NIM1K: variants seen among roughly 807,000 people sequenced by gnomAD.
The protein encoded by NIM1K is serine/threonine-protein kinase NIM1.
NIM1K carries 35 observed loss-of-function variants against 37.1 expected under a neutral mutation model. That is an observed-to-expected ratio of 0.94 (90% CI 0.72 to 1.25). The LOEUF is 1.25. Ranked by LOEUF, NIM1K falls within the 50% of genes most tolerant of loss-of-function variation. The pLI is 0.00. For missense variants in NIM1K, 564 were observed against 548.0 expected (o/e 1.03, Z -0.29); for synonymous variants, 234 against 206.6 (o/e 1.13, Z -1.14).
chr5:43,280,806 A>G lies in NIM1K; in HGVS notation c.*77A>G. Reference sequence around the variant, plus strand: ...TTTTTTTCAAGGACAACTTGAGTGGAGACATTTTTGTAATTTTTAAATAAA... The same window carrying G: ...TTTTTTTCAAGGACAACTTGAGTGGGGACATTTTTGTAATTTTTAAATAAA... On this transcript the variant is annotated 3_prime_UTR_variant, in exon 4 of 4. Coordinates refer to ENST00000326035, the MANE Select transcript of NIM1K (RefSeq NM_153361.4). The G allele has an allele frequency of 1.5e-6, 2 of 1,338,826 alleles. No individual in the cohort carries two copies. Among genetic ancestry groups the G allele is most frequent in the South Asian group, 3.6e-5 (2 of 55,548 alleles). 82.9% of individuals were successfully genotyped at this position (1,338,826 alleles called of 1,614,324 possible).
chr5:43,225,810 C>T (rs1408439714), intron 1 of NIM1K: 2 of 153,032 alleles, frequency 1.3e-5, no homozygotes, highest in African/African-American at 4.8e-5. Flanking sequence ...CCTTATTTGT[C>T]TTCAAAGTCA....
chr5:43,225,291 G>C (rs916403301), intron 1 of NIM1K, among the ~76,000 whole-genome samples: 2 of 69,624 alleles, frequency 2.9e-5, no homozygotes, highest in Non-Finnish European at 6.2e-5. Flanking sequence ...AAAAAAAAAA[G>C]ATAACTACAT....
At chr5:43,233,221 T>C (rs1402381365) in intron 1 of NIM1K, 3 of 893,426 alleles carry the variant, frequency 3.4e-6, no homozygotes, top group Non-Finnish European at 3.5e-6. Context: ...CAAGGAGAGA[T>C]TGTTGCTTCT....
At chr5:43,269,866 C>G (rs924824283) in intron 2 of NIM1K, among the ~76,000 whole-genome samples, 1 of 152,120 alleles carries the variant, frequency 6.6e-6, no homozygotes, top group Non-Finnish European at 1.5e-5. Flanking sequence ...GATCCACCCC[C>G]CTTGGCCTCC....
rs150221895 is a variant in NIM1K at position 43,232,217 on chromosome 5, T to G, written c.-694-12865T>G. ...GTCTTTGAGAACCATGTCACCACGG[T>G]AAAACAGGCAGCAAGCCATGTATTT... On this transcript the variant is annotated intron_variant, in intron 1 of 3. Transcript: ENST00000326035. 1.7e-3 allele frequency: 1,746 copies of G among 1,015,134 alleles called. 19 individuals are homozygous for G. In the African/African-American group the frequency reaches 0.025, roughly 15 times the overall value. The allele number at this position is 1,015,134 out of a possible 1,614,324, so 62.9% of individuals were successfully genotyped here.
At chr5:43,269,518 A>G (rs999171511) in intron 2 of NIM1K, among the ~76,000 whole-genome samples, 3 of 152,024 alleles carry the variant, frequency 2.0e-5, no homozygotes, top group East Asian at 3.8e-4. Context: ...TATGCCATTT[A>G]TGTTTAATAT....
rs182467078 is a variant in NIM1K at position 43,268,836 on chromosome 5, T to C, written c.293-8221T>C. Among the ~76,000 whole-genome samples, 440 of 152,318 alleles carry C rather than the reference T, an allele frequency of 2.9e-3. 1 individual carries two copies. The highest frequency in any genetic ancestry group is 4.5e-3 in the Non-Finnish European group (307 of 68,024). ...AGCTAGCCAAGACTAAGCCCAGGAA[T>C]AATTAAGGCAGCTTGAAGGCTAAAG... is the stretch of plus-strand genomic sequence containing the variant. On this transcript the variant is annotated intron_variant, in intron 2 of 3. Coordinates refer to ENST00000326035, the MANE Select transcript of NIM1K (RefSeq NM_153361.4).
chr5:43,213,996 T>TG (rs943627615), intron 1 of NIM1K, among the ~76,000 whole-genome samples: 1 of 149,848 alleles, frequency 6.7e-6, no homozygotes, highest in African/African-American at 2.4e-5. Flanking sequence ...TTTTTTTTTT[T>TG]GTCTTACCTT....
Position 43,208,567 on chromosome 5 carries a change from A to T in NIM1K, c.-695+16156A>T, listed in dbSNP as rs140750551. ...CAGTGAGCCGAGATCACGCCACTGCATTCCAGCCTGGGCGACAGGGCAGGA... is the reference window on the plus strand; with the variant it reads ...CAGTGAGCCGAGATCACGCCACTGCTTTCCAGCCTGGGCGACAGGGCAGGA... On this transcript the variant is annotated intron_variant, in intron 1 of 3. Transcript: ENST00000326035. Among the ~76,000 whole-genome samples the T allele has an allele frequency of 1.8e-3, 275 of 152,180 alleles. 1 individual carries two copies. The highest frequency in any genetic ancestry group is 6.5e-3 in the African/African-American group (271 of 41,528).
chr5:43,232,525 G>T, intron 1 of NIM1K: 3 of 1,572,170 alleles, frequency 1.9e-6, no homozygotes, highest in Non-Finnish European at 2.6e-6. Context: ...CAGTATCAAG[G>T]TTCTATGCCA....
At chr5:43,214,813 C>CAAAAAAAA (rs369233525) in intron 1 of NIM1K, among the ~76,000 whole-genome samples, 11 of 71,662 alleles carry the variant, frequency 1.5e-4, no homozygotes, top group East Asian at 5.2e-4. Context: ...GACTCCGTCT[C>CAAAAAAAA]AAAAAAAAAA....
chr5:43,246,385 G>T (rs1304114151), intron 2 of NIM1K, among the ~76,000 whole-genome samples: 1 of 152,148 alleles, frequency 6.6e-6, no homozygotes. Context: ...ACTCAAACAT[G>T]AGAAGAATCT....
At chr5:43,197,323 G>A (rs1038593393) in intron 1 of NIM1K, among the ~76,000 whole-genome samples, 1 of 149,434 alleles carries the variant, frequency 6.7e-6, no homozygotes, top group Non-Finnish European at 1.5e-5. Flanking sequence ...AGTTGTCGGT[G>A]GTAGGGGGGG....
At chr5:43,244,877 C>T (rs958494708) in intron 1 of NIM1K, among the ~76,000 whole-genome samples, 84 of 152,134 alleles carry the variant, frequency 5.5e-4, no homozygotes, top group African/African-American at 2.0e-3. Flanking sequence ...ACCTTAGGGG[C>T]TTTTCTAAAA....
At chr5:43,236,249 A>G (rs1335539698) in intron 1 of NIM1K, among the ~76,000 whole-genome samples, 1 of 152,042 alleles carries the variant, frequency 6.6e-6, no homozygotes, top group East Asian at 1.9e-4. Flanking sequence ...CTTGGGTGAG[A>G]GTGAGATCCT....
At chr5:43,274,620 G>A (rs890269450) in intron 2 of NIM1K, among the ~76,000 whole-genome samples, 2 of 152,162 alleles carry the variant, frequency 1.3e-5, no homozygotes, top group East Asian at 1.9e-4. Flanking sequence ...TCTTTTGCTG[G>A]GGCTGATTGC....
intron 1 of NIM1K, among the ~76,000 whole-genome samples, chr5:43,219,810 C>T (rs941465392): frequency 1.4e-4 from 21 of 149,064 alleles, no homozygotes; most frequent in Non-Finnish European, 2.8e-4. Flanking sequence ...GCAACCTCCG[C>T]CCCCTGGGTT....
Position 43,258,951 on chromosome 5 carries a change from A to T in NIM1K, c.292+12884A>T, listed in dbSNP as rs146374423. ...CACCCTACCCCTTCTAAGTCTCCAA[A>T]GCCCATGCCTTTTCATACCCATAGC... On this transcript the variant is annotated intron_variant, in intron 2 of 3. Coordinates refer to ENST00000326035, the MANE Select transcript of NIM1K (RefSeq NM_153361.4). Among the ~76,000 whole-genome samples the T allele has an allele frequency of 4.8e-3, 735 of 151,972 alleles. 6 individuals carry two copies. Among genetic ancestry groups the T allele is most frequent in the African/African-American group, 0.017 (708 of 41,402 alleles).
chr5:43,255,024 A>G lies in NIM1K; in HGVS notation c.292+8957A>G, dbSNP rs1360055008. ...ATATTGGAAATACTACAACCAAAAA[A>G]ATGTTCATTGTCGTGTTATTTATAG... On this transcript the variant is annotated intron_variant, in intron 2 of 3. Transcript: ENST00000326035. Among the ~76,000 whole-genome samples, 8 of 152,246 alleles carry G rather than the reference A, an allele frequency of 5.3e-5. No individual in the cohort carries two copies. In the South Asian group the frequency reaches 8.3e-4, roughly 16 times the overall value.
Sources: allele counts gnomAD v4.1 joint callset (sites outside exome capture counted in the v4.1 genomes callset), GRCh38; gene constraint gnomAD v4.1.1; transcripts MANE v1.5; gene names NCBI Gene and HGNC (gene_info 2026-07-23, HGNC 2026-07-21).